The following LCLAT1 variants were observed in gnomAD, a reference collection of about 807,000 sequenced individuals.
LCLAT1 encodes 1-AGP acyltransferase 8.
LCLAT1 carries 11 observed loss-of-function variants against 30.7 expected under a neutral mutation model. The ratio of observed to expected loss-of-function variants is 0.36; its 90% CI spans 0.23 to 0.59. The LOEUF (loss-of-function observed/expected upper bound fraction) is 0.59. LCLAT1 is among the 20% of genes least tolerant of loss of function. The probability of loss-of-function intolerance (pLI) is 0.77; values close to 1 mark genes in which losing one functional copy is unlikely to be tolerated. For synonymous variants in LCLAT1, 155 were observed against 151.3 expected, an observed-to-expected ratio of 1.02 and a Z score of -0.18; for missense variants, 402 against 458.6, an observed-to-expected ratio of 0.88 and a Z score of 1.13.
At chr2:30,452,916 G>A (rs1436785213) in intron 1 of LCLAT1, among the ~76,000 whole-genome samples, 1 of 152,020 alleles carries the variant, frequency 6.6e-6, no homozygotes, top group African/African-American at 2.4e-5. Flanking sequence ...GTAAAAACTC[G>A]GGAGGCAAAT....
chr2:30,582,424 G>A (rs1255666132), intron 5 of LCLAT1, among the ~76,000 whole-genome samples: 1 of 152,106 alleles, frequency 6.6e-6, no homozygotes, highest in Non-Finnish European at 1.5e-5. Flanking sequence ...CTTCACAATG[G>A]CAGTGATTGT....
At chr2:30,453,098 G>A (rs186682934) in intron 1 of LCLAT1, among the ~76,000 whole-genome samples, 1 of 152,222 alleles carries the variant, frequency 6.6e-6, no homozygotes, top group Admixed American at 6.5e-5. Flanking sequence ...GGTACCCTTA[G>A]TTTTTCCTCT....
At chr2:30,448,240 A>G (rs1389977096) in intron 1 of LCLAT1, among the ~76,000 whole-genome samples, 2 of 152,250 alleles carry the variant, frequency 1.3e-5, no homozygotes, top group Non-Finnish European at 2.9e-5. Flanking sequence ...CATTACCAAG[A>G]TGAAATATTT....
intron 1 of LCLAT1, among the ~76,000 whole-genome samples, chr2:30,457,898 G>A (rs1407032673): frequency 6.6e-6 from 1 of 152,038 alleles, no homozygotes; most frequent in Admixed American, 6.6e-5. Context: ...TTCTTTGCAT[G>A]GTTAGTGTGA....
intron 1 of LCLAT1, among the ~76,000 whole-genome samples, chr2:30,463,116 C>T (rs920016467): frequency 1.3e-5 from 2 of 151,826 alleles, no homozygotes; most frequent in African/African-American, 4.8e-5. Context: ...AAAAAGTCAA[C>T]TTGAATGCTA....
At chr2:30,604,275 G>A (rs1667325175) in intron 5 of LCLAT1, among the ~76,000 whole-genome samples, 2 of 152,146 alleles carry the variant, frequency 1.3e-5, no homozygotes, top group Non-Finnish European at 2.9e-5. Flanking sequence ...TCTCTTCTAT[G>A]TTCTTTAGGA....
intron 5 of LCLAT1, among the ~76,000 whole-genome samples, chr2:30,576,474 GAAGAT>G (rs2148460586): frequency 6.6e-6 from 1 of 152,158 alleles, no homozygotes; most frequent in African/African-American, 2.4e-5. Context: ...GTAAAATAGA[GAAGAT>G]AAGTTTCAGT....
Position 30,549,157 on chromosome 2 carries a change from G to T in LCLAT1, c.365-12989G>T, listed in dbSNP as rs545201889. ...CTTCTGAACAGAGCTGAAGCCCTGA[G>T]CTGTGTGAAGTTGACAGTTTCTTTG... On this transcript the variant is annotated intron_variant, in intron 3 of 5. Coordinates refer to ENST00000379509, the MANE Select transcript of LCLAT1 (RefSeq NM_001002257.3). 2.0e-5 allele frequency among the ~76,000 whole-genome samples: 3 copies of T among 152,322 alleles called. No individual in the cohort carries two copies. In the South Asian group the frequency reaches 6.2e-4, roughly 32 times the overall value.
chr2:30,480,951 C>T lies in LCLAT1; in HGVS notation c.-5+33568C>T, dbSNP rs1193567025. 5.3e-5 allele frequency among the ~76,000 whole-genome samples: 8 copies of T among 152,300 alleles called. No individual in the cohort carries two copies. In the East Asian group the frequency reaches 1.5e-3, roughly 29 times the overall value. On this transcript the variant is annotated intron_variant, in intron 1 of 5. Transcript: ENST00000379509. Reference sequence around the variant, plus strand: ...TGTAATGAGAGCCATAAACGAAGCACTCAGGACTGAGACAAAATCACTATT... The same window carrying T: ...TGTAATGAGAGCCATAAACGAAGCATTCAGGACTGAGACAAAATCACTATT...
intron 1 of LCLAT1, among the ~76,000 whole-genome samples, chr2:30,504,081 C>CCTGT (rs1553363637): frequency 6.6e-5 from 10 of 150,794 alleles, no homozygotes; most frequent in Admixed American, 6.6e-4. Context: ...AAGGGACTTA[C>CCTGT]GTGTGTGTGT....
chr2:30,637,539 T>G (rs1393389958), intron 5 of LCLAT1, among the ~76,000 whole-genome samples: 1 of 152,112 alleles, frequency 6.6e-6, no homozygotes, highest in African/African-American at 2.4e-5. Flanking sequence ...TCTTGATAGC[T>G]CAGTCACAAA....
intron 5 of LCLAT1, among the ~76,000 whole-genome samples, chr2:30,622,557 C>T (rs189434898): frequency 6.6e-6 from 1 of 152,340 alleles, no homozygotes; most frequent in Admixed American, 6.5e-5. Flanking sequence ...GTCCGCTTCA[C>T]TCCCCCAATA....
chr2:30,538,446 A>C (rs1418734251), intron 3 of LCLAT1, among the ~76,000 whole-genome samples: 1 of 152,142 alleles, frequency 6.6e-6, no homozygotes, highest in East Asian at 1.9e-4. Flanking sequence ...GTTGGAGACC[A>C]GCCTGGCCAA....
At chr2:30,599,239 C>T (rs1412259033) in intron 5 of LCLAT1, among the ~76,000 whole-genome samples, 1 of 152,170 alleles carries the variant, frequency 6.6e-6, no homozygotes, top group Non-Finnish European at 1.5e-5. Flanking sequence ...ACCTCAGCCT[C>T]CTAAAGTGCT....
At chr2:30,609,430 TC>T (rs1667624951) in intron 5 of LCLAT1, among the ~76,000 whole-genome samples, 1 of 152,070 alleles carries the variant, frequency 6.6e-6, no homozygotes, top group Non-Finnish European at 1.5e-5. Context: ...GTTTTATTTT[TC>T]TCCAACAGTG....
intron 5 of LCLAT1, among the ~76,000 whole-genome samples, chr2:30,605,707 TA>T (rs946163615): frequency 1.3e-5 from 2 of 152,196 alleles, no homozygotes; most frequent in African/African-American, 4.8e-5. Context: ...AAAGGTATAA[TA>T]GCAGTTTTAG....
intron 2 of LCLAT1, among the ~76,000 whole-genome samples, chr2:30,531,622 A>G (rs941775687): frequency 4.6e-5 from 7 of 152,032 alleles, no homozygotes; most frequent in South Asian, 2.1e-4. Flanking sequence ...TAATGGACCT[A>G]TGGGATATCT....
In LCLAT1 at chr2:30,533,288, C is replaced by A; in HGVS notation, c.338C>A (p.Ala113Glu). 6.2e-7 allele frequency: 1 copy of A among 1,613,966 alleles called. No homozygotes were observed. Among genetic ancestry groups the A allele is most frequent in the Admixed American group, 1.7e-5 (1 of 60,020 alleles). ...AGATTGGAGAAAATTTGCCTCAAAG[C>A]GAGTCTCAAAGGTGTTCCTGGATTT... ...YLRLEKICLK[A>E]SLKGVPGFGW... is the part of the protein sequence containing the mutation. Residue 113 changes from alanine to glutamate, a missense_variant, in exon 3 of 6, where the codon GCG becomes GAG. By Grantham distance (107) the Ala-to-Glu change is moderately radical. Coordinates refer to ENST00000379509, the MANE Select transcript of LCLAT1 (RefSeq NM_001002257.3).
chr2:30,616,289 T>G (rs181350072), intron 5 of LCLAT1, among the ~76,000 whole-genome samples: 1 of 152,296 alleles, frequency 6.6e-6, no homozygotes, highest in East Asian at 1.9e-4. Flanking sequence ...ATAGTATTGA[T>G]TAAAAGCAAA....
Sources: gnomAD v4.1 joint callset for allele counts (sites outside exome capture counted in the v4.1 genomes callset) on GRCh38, gnomAD v4.1.1 for gene constraint, MANE v1.5 for transcripts, NCBI Gene and HGNC (gene_info 2026-07-23, HGNC 2026-07-21) for gene names.